CXADR: variants seen among roughly 807,000 people sequenced by gnomAD.
The protein encoded by CXADR is coxsackievirus and adenovirus receptor.
In CXADR, 20 loss-of-function variants were observed where a neutral mutation model predicts 40.3. That is an observed-to-expected ratio of 0.50 (90% CI 0.35 to 0.72). The LOEUF (loss-of-function observed/expected upper bound fraction) is 0.72, where lower values mean the gene tolerates loss of function less well. CXADR is among the 30% of genes least tolerant of loss of function. CXADR has a pLI of 0.01. For synonymous variants in CXADR, 150 were observed against 161.3 expected, an observed-to-expected ratio of 0.93 and a Z score of 0.53; for missense variants, 332 against 449.1, an observed-to-expected ratio of 0.74 and a Z score of 2.36.
At chr21:17,558,883 A>T in intron 3 of CXADR, 93 bp from the exon 4 acceptor site, 1 of 1,302,888 alleles carries the variant, frequency 7.7e-7, no homozygotes, top group South Asian at 1.6e-5. Flanking sequence ...CCCAGAACCA[A>T]CTGATAATGA....
rs1394747433 is a variant in CXADR at position 17,568,919 on chromosome 21, G to A, written c.*3227G>A. On this transcript the variant is annotated 3_prime_UTR_variant, in exon 7 of 7. Transcript: ENST00000284878. ...ACAGCCTGAGTGTATCTTAGGGAGA[G>A]TTTGATTGAAAAAATCCAAATCACT... 1 of 984,864 alleles carries A rather than the reference G, an allele frequency of 1.0e-6. No individual in the cohort carries two copies. Among genetic ancestry groups the A allele is most frequent in the African/African-American group, 1.7e-5 (1 of 57,178 alleles). 61.0% of individuals were successfully genotyped at this position (984,864 alleles called of 1,614,324 possible).
chr21:17,570,156 T>G (rs977597209), downstream of CXADR: 34 of 985,262 alleles, frequency 3.5e-5, no homozygotes, highest in Non-Finnish European at 3.9e-5. Flanking sequence ...CACTAAAGCT[T>G]TAATATTTTA....
intron 1 of CXADR, among the ~76,000 whole-genome samples, chr21:17,538,500 G>A (rs980682165): frequency 2.6e-5 from 4 of 152,096 alleles, no homozygotes; most frequent in South Asian, 2.1e-4. Flanking sequence ...TGTCAGTGAC[G>A]TCTTTTTTAC....
intron 7 of CXADR, among the ~76,000 whole-genome samples, chr21:17,581,941 GTTTGT>G (rs141173798): frequency 0.047 from 6,742 of 142,780 alleles, 327 homozygotes; most frequent in African/African-American, 0.13. Flanking sequence ...TTGTTTGTTT[GTTTGT>G]TTTGTTTGTT....
At chr21:17,530,216 C>T (rs931414619) in intron 1 of CXADR, among the ~76,000 whole-genome samples, 3 of 150,460 alleles carry the variant, frequency 2.0e-5, no homozygotes, top group Non-Finnish European at 4.4e-5. Flanking sequence ...TCACCCACCT[C>T]GGCCTCCCAA....
rs894861167 is a variant in CXADR, at chr21:17,579,334, G to C, written c.1017+13723G>C. On this transcript the variant is annotated intron_variant, in intron 7 of 7. Coordinates refer to the CXADR transcript ENST00000400169. ...GAGTCTCACCCTGTCACCCAGGCTGGAGTGCAGTGGTGCAGTCTTGGCTCA... is the reference window on the plus strand; with the variant it reads ...GAGTCTCACCCTGTCACCCAGGCTGCAGTGCAGTGGTGCAGTCTTGGCTCA... Among the ~76,000 whole-genome samples, 23 of 151,646 alleles carry C rather than the reference G, an allele frequency of 1.5e-4. No homozygotes were observed. In the South Asian group the frequency reaches 1.7e-3, roughly 11 times the overall value.
chr21:17,514,362 T>C (rs1417354809), intron 1 of CXADR, among the ~76,000 whole-genome samples: 1 of 152,098 alleles, frequency 6.6e-6, no homozygotes, highest in Non-Finnish European at 1.5e-5. Context: ...TAATCTTCGA[T>C]CTGAGCCTAT....
At chr21:17,564,494 A>G (rs1449193741) in intron 6 of CXADR, among the ~76,000 whole-genome samples, 1 of 152,048 alleles carries the variant, frequency 6.6e-6, no homozygotes, top group Non-Finnish European at 1.5e-5. Context: ...AAAGCTGTAC[A>G]TGTTAGGTAT....
At chr21:17,561,079 G>C (rs1409710359) in intron 5 of CXADR, among the ~76,000 whole-genome samples, 1 of 152,166 alleles carries the variant, frequency 6.6e-6, no homozygotes, top group Non-Finnish European at 1.5e-5. Flanking sequence ...GAGTAGCTTA[G>C]AACATTCTTA....
intron 1 of CXADR, among the ~76,000 whole-genome samples, chr21:17,538,595 C>A (rs2123208067): frequency 6.6e-6 from 1 of 152,130 alleles, no homozygotes; most frequent in South Asian, 2.1e-4. Context: ...TACTTGAGCC[C>A]TGGAGTTCAA....
the CXADR span, among the ~76,000 whole-genome samples, chr21:17,619,331 C>T: frequency 0.011 from 1,735 of 152,216 alleles, 33 homozygotes; most frequent in African/African-American, 0.039. Flanking sequence ...ACCCACATGG[C>T]GTTCAAGGAG....
Position 17,569,112 on chromosome 21 carries a change from A to T in CXADR, c.*3420A>T. ...ATGAAGTTGACTATCAAATTCTGTG[A>T]TGTGTGGCTTCTTAAAAATATTCTC... On this transcript the variant is annotated 3_prime_UTR_variant, in exon 7 of 7. Coordinates refer to ENST00000284878, the MANE Select transcript of CXADR (RefSeq NM_001338.5). 2.0e-6 allele frequency: 2 copies of T among 985,410 alleles called. No homozygotes were observed. Among genetic ancestry groups the T allele is most frequent in the Non-Finnish European group, 2.4e-6 (2 of 829,932 alleles). The allele number at this position is 985,410 out of a possible 1,614,324, so 61.0% of individuals were successfully genotyped here.
At chr21:17,540,614 C>A (rs1465364904) in intron 1 of CXADR, among the ~76,000 whole-genome samples, 1 of 152,160 alleles carries the variant, frequency 6.6e-6, no homozygotes, top group African/African-American at 2.4e-5. Flanking sequence ...CTCTGATTTT[C>A]CTGACTGTTG....
rs1277009451 is a variant in CXADR at position 17,569,340 on chromosome 21, T to A, written c.*3648T>A. 44 of 984,550 alleles carry A rather than the reference T, an allele frequency of 4.5e-5. No individual in the cohort carries two copies. The highest frequency in any genetic ancestry group is 4.9e-5 in the Non-Finnish European group (41 of 829,782). The allele number at this position is 984,550 out of a possible 1,614,324, so 61.0% of individuals were successfully genotyped here. ...TAGAAAATGTTGGCACAATTTTAAC[T>A]TCTTAGTGGCTTGTGACATTATATA... On this transcript the variant is annotated 3_prime_UTR_variant, in exon 7 of 7. Transcript: ENST00000284878.
At chr21:17,554,346 G>A (rs962549454) in intron 3 of CXADR, among the ~76,000 whole-genome samples, 7 of 152,126 alleles carry the variant, frequency 4.6e-5, no homozygotes, top group Admixed American at 1.3e-4. Flanking sequence ...GTGACTGCCC[G>A]GCAGTAGGAA....
chr21:17,523,801 C>A (rs2016235021), intron 1 of CXADR, among the ~76,000 whole-genome samples: 1 of 152,046 alleles, frequency 6.6e-6, no homozygotes, highest in Non-Finnish European at 1.5e-5. Context: ...AGAAAACAAA[C>A]CTAGTAATCT....
intron 2 of CXADR, among the ~76,000 whole-genome samples, chr21:17,547,604 T>C (rs1281033756): frequency 2.0e-5 from 3 of 152,200 alleles, no homozygotes; most frequent in South Asian, 2.1e-4. Context: ...TTAGACAGAA[T>C]TGAAATTTTT....
the CXADR span, among the ~76,000 whole-genome samples, chr21:17,610,955 A>T: frequency 6.6e-6 from 1 of 152,156 alleles, no homozygotes; most frequent in Non-Finnish European, 1.5e-5. Context: ...GTGTGCTGGC[A>T]GCCGCAGATA....
At chr21:17,542,075 A>C in intron 1 of CXADR, 1 of 337,810 alleles carries the variant, frequency 3.0e-6, no homozygotes, top group Non-Finnish European at 5.8e-6. Flanking sequence ...AGTATAGTTA[A>C]ATTTTTGTCT....
Sources: allele counts gnomAD v4.1 joint callset (sites outside exome capture counted in the v4.1 genomes callset), GRCh38; gene constraint gnomAD v4.1.1; transcripts MANE v1.5; gene names NCBI Gene and HGNC (gene_info 2026-07-23, HGNC 2026-07-21).